Variants in PALLD observed in about 807,000 individuals in gnomAD.
The protein encoded by PALLD is palladin, cytoskeletal associated protein.
A neutral mutation model predicts 123.5 loss-of-function variants in PALLD; 61 were observed. That is an observed-to-expected ratio of 0.49 (90% CI 0.40 to 0.61). PALLD has a LOEUF of 0.61. Among genes scored for constraint, PALLD ranks in the 20% least tolerant of loss-of-function variants. PALLD has a pLI of 0.00. For missense variants in PALLD, 1,273 were observed against 1,377.0 expected, an observed-to-expected ratio of 0.92 and a Z score of 1.20; for synonymous variants, 465 against 496.4, an observed-to-expected ratio of 0.94 and a Z score of 0.84.
intron 10 of PALLD, among the ~76,000 whole-genome samples, chr4:168,823,626 G>A (rs1743028987): frequency 1.3e-5 from 2 of 152,072 alleles, no homozygotes; most frequent in Non-Finnish European, 2.9e-5. Flanking sequence ...ACTGCAATAA[G>A]CTGAGATCAT....
rs147703432 is a variant in PALLD, at chr4:168,506,744, T to C, written c.-82-4679T>C. ...TCAAAACAAACCACCACACCTGTAATATTTTCTTTCTTTCCTTCTTTCCTT... is the reference window on the plus strand; with the variant it reads ...TCAAAACAAACCACCACACCTGTAACATTTTCTTTCTTTCCTTCTTTCCTT... On this transcript the variant is annotated intron_variant, in intron 1 of 21. Coordinates refer to ENST00000505667, the MANE Select transcript of PALLD (RefSeq NM_001166108.2). 2.0e-3 allele frequency among the ~76,000 whole-genome samples: 303 copies of C among 152,336 alleles called. 1 individual carries two copies. Among genetic ancestry groups the C allele is most frequent in the Middle Eastern group, 6.8e-3 (2 of 294 alleles).
At chr4:168,746,083 C>T (rs371898768) in intron 10 of PALLD, among the ~76,000 whole-genome samples, 1 of 152,078 alleles carries the variant, frequency 6.6e-6, no homozygotes, top group South Asian at 2.1e-4. Context: ...TACAATGTCC[C>T]TGTTCTTACC....
At chr4:168,567,896 A>C (rs879719850) in intron 2 of PALLD, among the ~76,000 whole-genome samples, 14 of 152,162 alleles carry the variant, frequency 9.2e-5, no homozygotes, top group Admixed American at 9.2e-4. Context: ...GTACCACTAC[A>C]TAATATGTCC....
chr4:168,627,707 A>G (rs1775434850), intron 2 of PALLD, among the ~76,000 whole-genome samples: 1 of 152,254 alleles, frequency 6.6e-6, no homozygotes, highest in African/African-American at 2.4e-5. Context: ...CAAAATGAGA[A>G]AACAATCTGA....
intron 10 of PALLD, among the ~76,000 whole-genome samples, chr4:168,721,951 A>G (rs1441368463): frequency 6.6e-6 from 1 of 152,240 alleles, no homozygotes; most frequent in Admixed American, 6.5e-5. Context: ...GTTTTCCAAC[A>G]ACACCTGCCC....
At chr4:168,664,058 T>C (rs1181342670) in intron 2 of PALLD, among the ~76,000 whole-genome samples, 2 of 152,222 alleles carry the variant, frequency 1.3e-5, no homozygotes, top group African/African-American at 4.8e-5. Flanking sequence ...GCAATTCACA[T>C]TTCCTTATTT....
At chr4:168,733,238 A>G (rs1787357438) in intron 10 of PALLD, among the ~76,000 whole-genome samples, 1 of 152,042 alleles carries the variant, frequency 6.6e-6, no homozygotes, top group Non-Finnish European at 1.5e-5. Flanking sequence ...TAATTTCCTT[A>G]CTCTTCTATC....
chr4:168,617,205 G>A (rs536769084), intron 2 of PALLD, among the ~76,000 whole-genome samples: 5 of 152,244 alleles, frequency 3.3e-5, no homozygotes, highest in African/African-American at 9.6e-5. Context: ...TCTTCTATAC[G>A]ATAGAGAAAT....
At chr4:168,685,443 T>G (rs1442319009) in intron 5 of PALLD, 42 bp from the exon 6 acceptor site, 1 of 1,298,876 alleles carries the variant, frequency 7.7e-7, no homozygotes, top group Admixed American at 1.7e-5. Flanking sequence ...TTTAGGCAAT[T>G]TATATATTTA....
intron 10 of PALLD, among the ~76,000 whole-genome samples, chr4:168,873,848 G>A (rs1324191816): frequency 3.9e-5 from 6 of 152,124 alleles, no homozygotes; most frequent in South Asian, 4.1e-4. Flanking sequence ...TGCTAGGCAC[G>A]TGATAAGTGC....
chr4:168,591,016 A>T (rs576757932), intron 2 of PALLD, among the ~76,000 whole-genome samples: 1 of 151,568 alleles, frequency 6.6e-6, no homozygotes, highest in Non-Finnish European at 1.5e-5. Flanking sequence ...AGTAGCTGGG[A>T]TTACGGGCCT....
chr4:168,837,136 G>A (rs369882420), intron 10 of PALLD, among the ~76,000 whole-genome samples: 195 of 152,290 alleles, frequency 1.3e-3, no homozygotes, highest in African/African-American at 4.3e-3. Flanking sequence ...TGGGGAGGGG[G>A]GATCCTGGCA....
rs1776441283 is a variant in PALLD, at chr4:168,637,315, G to A, written c.909-30875G>A. Among the ~76,000 whole-genome samples, 3 of 152,032 alleles carry A rather than the reference G, an allele frequency of 2.0e-5. No homozygotes were observed. In the South Asian group the frequency reaches 6.2e-4, roughly 32 times the overall value. ...TCTCAGCACAGTTCTCAGCCGGCTGGTGTACCAGTTAGTGTCTAGTAACCT... is the reference window on the plus strand; with the variant it reads ...TCTCAGCACAGTTCTCAGCCGGCTGATGTACCAGTTAGTGTCTAGTAACCT... On this transcript the variant is annotated intron_variant, in intron 2 of 21. Coordinates refer to ENST00000505667, the MANE Select transcript of PALLD (RefSeq NM_001166108.2).
At chr4:168,718,421 CTTTT>C (rs960649154) in intron 10 of PALLD, among the ~76,000 whole-genome samples, 2 of 152,102 alleles carry the variant, frequency 1.3e-5, no homozygotes, top group Non-Finnish European at 2.9e-5. Context: ...ATCTAGCACA[CTTTT>C]TTTTCTTAAC....
intron 2 of PALLD, among the ~76,000 whole-genome samples, chr4:168,546,970 T>A (rs896978812): frequency 6.6e-6 from 1 of 152,232 alleles, no homozygotes; most frequent in Non-Finnish European, 1.5e-5. Flanking sequence ...CATAATTTTT[T>A]TAAAGTAATC....
chr4:168,692,620 G>T (rs1482288839), intron 8 of PALLD, among the ~76,000 whole-genome samples: 2 of 152,202 alleles, frequency 1.3e-5, no homozygotes, highest in African/African-American at 4.8e-5. Context: ...AGATATAAAA[G>T]TAGGAACCAA....
At chr4:168,761,664 T>TTTTTG (rs1561494025) in intron 10 of PALLD, among the ~76,000 whole-genome samples, 3 of 75,748 alleles carry the variant, frequency 4.0e-5, no homozygotes, top group African/African-American at 8.6e-5. Context: ...TTTTTTTTTT[T>TTTTTG]TTTTTTTTTT....
At position 168,760,518 on chromosome 4, in the gene PALLD, T is replaced by C. The variant is rs188474959; in HGVS notation, c.1964+48595T>C. On this transcript the variant is annotated intron_variant, in intron 10 of 21. Transcript: ENST00000505667. Reference sequence around the variant, plus strand: ...CTCTTTCTCGTGAGTTACAAGGGAGTAGGGGCGTACCGGGTGCCTCAGAAG... The same window carrying C: ...CTCTTTCTCGTGAGTTACAAGGGAGCAGGGGCGTACCGGGTGCCTCAGAAG... 2.6e-5 allele frequency among the ~76,000 whole-genome samples: 4 copies of C among 152,082 alleles called. No homozygotes were observed. The East Asian group carries it at 7.7e-4, about 29-fold the overall frequency.
intron 5 of PALLD, among the ~76,000 whole-genome samples, 192 bp downstream of exon 5, chr4:168,683,295 A>G (rs557565495): frequency 1.1e-4 from 17 of 152,344 alleles, no homozygotes; most frequent in Middle Eastern, 3.4e-3. Context: ...CTTTAACCAA[A>G]ACCACACTGC....
Sources: gnomAD v4.1 joint callset for allele counts (sites outside exome capture counted in the v4.1 genomes callset) on GRCh38, gnomAD v4.1.1 for gene constraint, MANE v1.5 for transcripts, NCBI Gene and HGNC (gene_info 2026-07-23, HGNC 2026-07-21) for gene names.